FAM117B: variants seen among roughly 807,000 people sequenced by gnomAD.
FAM117B encodes protein FAM117B.
A neutral mutation model predicts 52.8 loss-of-function variants in FAM117B; 22 were observed. The ratio of observed to expected loss-of-function variants is 0.42; its 90% CI spans 0.30 to 0.59. The LOEUF (loss-of-function observed/expected upper bound fraction) is 0.59, where lower values mean the gene tolerates loss of function less well. Ranked by LOEUF, FAM117B falls within the 20% of genes least tolerant of loss-of-function variation. The pLI is 0.22. For missense variants in FAM117B, 678 were observed against 802.6 expected, an observed-to-expected ratio of 0.84 and a Z score of 1.88; for synonymous variants, 309 against 324.1, an observed-to-expected ratio of 0.95 and a Z score of 0.50.
At chr2:202,694,911 TTTTAGTGACAATA>T (rs1305194255) in intron 1 of FAM117B, among the ~76,000 whole-genome samples, 6 of 152,204 alleles carry the variant, frequency 3.9e-5, no homozygotes, top group African/African-American at 1.4e-4. Flanking sequence ...GTCACTAATT[TTTTAGTGACAATA>T]TTTAGTGAAA....
rs34556556 is a variant in FAM117B at position 202,766,061 on chromosome 2, AACACACACACAC to A, written c.*332_*343del. On this transcript the variant is annotated 3_prime_UTR_variant, in exon 8 of 8. Transcript: ENST00000392238. ...TTGTTTTCGAATTAGACTTCTTTAA[AACACACACACAC>A]ACACACACACACACACACACACACA... The A allele has an allele frequency of 2.4e-3, 486 of 203,086 alleles. 1 individual carries two copies. Among genetic ancestry groups the A allele is most frequent in the African/African-American group, 9.7e-3 (385 of 39,832 alleles). The allele number at this position is 203,086 out of a possible 1,614,324, so 12.6% of individuals were successfully genotyped here. A position where few individuals can be genotyped will look rare whatever the true frequency, so the allele number is the denominator to read the frequency against.
In FAM117B at chr2:202,726,382, C is replaced by T. The variant is rs1691245964; in HGVS notation, c.960+19C>T. ...GTGTCAGGTAAGAGTACCAATACCACAAAATCCAGAAAAGGAATTTGTTGT... is the reference window on the plus strand; with the variant it reads ...GTGTCAGGTAAGAGTACCAATACCATAAAATCCAGAAAAGGAATTTGTTGT... On this transcript the variant is annotated intron_variant, in intron 4 of 7. Coordinates refer to ENST00000392238, the MANE Select transcript of FAM117B (RefSeq NM_173511.4). 2.0e-6 allele frequency: 3 copies of T among 1,534,014 alleles called. No individual in the cohort carries two copies. Among genetic ancestry groups the T allele is most frequent in the Middle Eastern group, 1.7e-4 (1 of 5,868 alleles).
rs1574309784 is a variant in FAM117B at position 202,766,107 on chromosome 2, C to CACACACACACACACACACA, written c.*343_*344insACACACACACACACACACA. On this transcript the variant is annotated 3_prime_UTR_variant, in exon 8 of 8. Coordinates refer to ENST00000392238, the MANE Select transcript of FAM117B (RefSeq NM_173511.4). ...ACACACACACACACACACACACACA[C>CACACACACACACACACACA]CCCTGATCCTTGCCAACATGATTCC... The CACACACACACACACACACA allele has an allele frequency of 1.0e-5, 2 of 199,728 alleles. No individual in the cohort carries two copies. The highest frequency in any genetic ancestry group is 2.0e-5 in the Non-Finnish European group (2 of 100,718). The allele number at this position is 199,728 out of a possible 1,614,324, so 12.4% of individuals were successfully genotyped here.
At chr2:202,731,660 G>T (rs1163974596) in intron 4 of FAM117B, among the ~76,000 whole-genome samples, 1 of 151,858 alleles carries the variant, frequency 6.6e-6, no homozygotes, top group East Asian at 1.9e-4. Flanking sequence ...TCGTACTCCT[G>T]ACCTCGTGAG....
At chr2:202,741,557 G>A (rs148827754) in intron 4 of FAM117B, among the ~76,000 whole-genome samples, 3,226 of 144,390 alleles carry the variant, frequency 0.022, 142 homozygotes, top group African/African-American at 0.079. Flanking sequence ...TTTTTTTTGA[G>A]ACGGAGTCTT....
chr2:202,766,464 T>C lies in FAM117B; in HGVS notation c.*700T>C, dbSNP rs1286903892. On this transcript the variant is annotated 3_prime_UTR_variant, in exon 8 of 8. Coordinates refer to ENST00000392238, the MANE Select transcript of FAM117B (RefSeq NM_173511.4). ...TCGTACATTATGTGATTTATGTTTT[T>C]GATGTCAAAAGTTTGTGCTTTGGGT... The C allele has an allele frequency of 6.5e-6, 1 of 152,692 alleles. No individual in the cohort carries two copies. The highest frequency in any genetic ancestry group is 1.5e-5 in the Non-Finnish European group (1 of 68,070). The allele number at this position is 152,692 out of a possible 1,614,324, so 9.5% of individuals were successfully genotyped here.
intron 1 of FAM117B, among the ~76,000 whole-genome samples, chr2:202,645,149 T>C (rs1338486407): frequency 6.6e-6 from 1 of 152,168 alleles, no homozygotes; most frequent in Non-Finnish European, 1.5e-5. Context: ...ATATATTTTC[T>C]TTTAAAAAAT....
chr2:202,715,285 G>A (rs1423431562), intron 2 of FAM117B, among the ~76,000 whole-genome samples: 7 of 151,770 alleles, frequency 4.6e-5, no homozygotes, highest in East Asian at 1.9e-4. Flanking sequence ...GGGACGGGGC[G>A]GCTGGCCTGG....
intron 4 of FAM117B, among the ~76,000 whole-genome samples, chr2:202,744,197 G>A (rs1376354074): frequency 6.6e-6 from 1 of 152,194 alleles, no homozygotes; most frequent in Non-Finnish European, 1.5e-5. Flanking sequence ...CCCAAGGCTG[G>A]TTTATTTATA....
intron 4 of FAM117B, among the ~76,000 whole-genome samples, chr2:202,745,372 A>C (rs1691615601): frequency 6.6e-6 from 1 of 152,212 alleles, no homozygotes; most frequent in Non-Finnish European, 1.5e-5. Flanking sequence ...GGAATACTTA[A>C]GCAAGTCCTA....
In FAM117B at chr2:202,765,846, G is replaced by T. The variant is rs1175285269; in HGVS notation, c.*82G>T. 4 of 1,410,272 alleles carry T rather than the reference G, an allele frequency of 2.8e-6. No homozygotes were observed. The highest frequency in any genetic ancestry group is 2.9e-6 in the Non-Finnish European group (3 of 1,035,638). 87.4% of individuals were successfully genotyped at this position (1,410,272 alleles called of 1,614,324 possible). A position where few individuals can be genotyped will look rare whatever the true frequency, so the allele number is the denominator to read the frequency against. ...GATTCTGATGGCATCGTGCGCTTCTGGTCGGCTGTGATGTGCTCCAGCTTT... is the reference window on the plus strand; with the variant it reads ...GATTCTGATGGCATCGTGCGCTTCTTGTCGGCTGTGATGTGCTCCAGCTTT... On this transcript the variant is annotated 3_prime_UTR_variant, in exon 8 of 8. Coordinates refer to ENST00000392238, the MANE Select transcript of FAM117B (RefSeq NM_173511.4).
At chr2:202,688,296 G>A (rs1690574589) in intron 1 of FAM117B, among the ~76,000 whole-genome samples, 1 of 152,268 alleles carries the variant, frequency 6.6e-6, no homozygotes, top group South Asian at 2.1e-4. Context: ...GGAATGCAGT[G>A]AAATGTCTTC....
At chr2:202,708,146 G>A (rs1161655720) in intron 2 of FAM117B, among the ~76,000 whole-genome samples, 1 of 152,224 alleles carries the variant, frequency 6.6e-6, no homozygotes, top group East Asian at 1.9e-4. Flanking sequence ...AAATATAATA[G>A]GTATGATAAT....
At chr2:202,682,540 C>A (rs1182668858) in intron 1 of FAM117B, among the ~76,000 whole-genome samples, 1 of 152,208 alleles carries the variant, frequency 6.6e-6, no homozygotes, top group Non-Finnish European at 1.5e-5. Flanking sequence ...TTCCAGCGCC[C>A]ATACATCCCT....
intron 1 of FAM117B, among the ~76,000 whole-genome samples, chr2:202,693,564 C>G (rs1280221247): frequency 6.6e-6 from 1 of 152,214 alleles, no homozygotes; most frequent in Non-Finnish European, 1.5e-5. Context: ...ACACTGCACT[C>G]TAGCCTGGGT....
chr2:202,740,453 T>C (rs985689864), intron 4 of FAM117B, among the ~76,000 whole-genome samples: 3 of 152,004 alleles, frequency 2.0e-5, no homozygotes, highest in Non-Finnish European at 2.9e-5. Context: ...TATATAGTTA[T>C]TGAATTCTAG....
At chr2:202,708,120 G>A (rs575192441) in intron 2 of FAM117B, among the ~76,000 whole-genome samples, 4 of 152,136 alleles carry the variant, frequency 2.6e-5, no homozygotes, top group African/African-American at 4.8e-5. Flanking sequence ...AAAATTTTAC[G>A]CGTACAATAC....
At chr2:202,712,551 G>C (rs1574565357) in intron 2 of FAM117B, among the ~76,000 whole-genome samples, 1 of 144,968 alleles carries the variant, frequency 6.9e-6, no homozygotes, top group African/African-American at 2.6e-5. Context: ...TCATTCTCTT[G>C]TCCAGTTGCT....
chr2:202,721,622 G>A (rs1691154312), intron 2 of FAM117B, among the ~76,000 whole-genome samples: 1 of 151,944 alleles, frequency 6.6e-6, no homozygotes, highest in South Asian at 2.1e-4. Context: ...TATAATTTTA[G>A]TATGTAGATG....
Sources: allele counts gnomAD v4.1 joint callset (sites outside exome capture counted in the v4.1 genomes callset), GRCh38; gene constraint gnomAD v4.1.1; transcripts MANE v1.5; gene names NCBI Gene and HGNC (gene_info 2026-07-23, HGNC 2026-07-21).